The following RYR2 variants were observed in gnomAD, a reference collection of about 807,000 sequenced individuals.
The protein encoded by RYR2 is ryanodine receptor 2, also known as cardiac muscle ryanodine receptor-calcium release channel.
In RYR2, 227 loss-of-function variants were observed where a neutral mutation model predicts 601.1. That is an observed-to-expected ratio of 0.38 (90% CI 0.34 to 0.42). The LOEUF is 0.42. Among genes scored for constraint, RYR2 ranks in the 10% least tolerant of loss-of-function variants. The probability of loss-of-function intolerance (pLI) is 1.00; values close to 1 mark genes in which losing one functional copy is unlikely to be tolerated. For missense variants in RYR2, 4,646 were observed against 6,156.5 expected (o/e 0.75, Z 8.21); for synonymous variants, 2,223 against 2,175.1 (o/e 1.02, Z -0.61).
chr1:237,575,274 G>T (rs991822794), intron 29 of RYR2, among the ~76,000 whole-genome samples: 9 of 152,186 alleles, frequency 5.9e-5, no homozygotes, highest in Non-Finnish European at 1.2e-4. Context: ...AGGTATAGTA[G>T]CTAATCAAGC....
intron 1 of RYR2, among the ~76,000 whole-genome samples, chr1:237,060,500 G>A (rs1418809772): frequency 6.6e-6 from 1 of 152,172 alleles, no homozygotes; most frequent in African/African-American, 2.4e-5. Flanking sequence ...ACGCAGTTGT[G>A]TAACTACCAC....
intron 16 of RYR2, among the ~76,000 whole-genome samples, chr1:237,466,188 T>C (rs1284842989): frequency 7.9e-5 from 12 of 152,128 alleles, no homozygotes; most frequent in Admixed American, 7.2e-4. Flanking sequence ...TTTTTTGAGA[T>C]AGGGTCTCAC....
At chr1:237,428,143 ATTG>A (rs1202467490) in intron 12 of RYR2, among the ~76,000 whole-genome samples, 1 of 152,202 alleles carries the variant, frequency 6.6e-6, no homozygotes, top group African/African-American at 2.4e-5. Context: ...ACGCTTTTAC[ATTG>A]TTGTTGGGAA....
intron 84 of RYR2, among the ~76,000 whole-genome samples, chr1:237,769,092 C>G (rs546214923): frequency 3.5e-4 from 53 of 151,820 alleles, no homozygotes; most frequent in Admixed American, 2.2e-3. Flanking sequence ...ACTTCTTTCA[C>G]GAATATATGA....
intron 4 of RYR2, among the ~76,000 whole-genome samples, chr1:237,362,831 G>A (rs956773154): frequency 2.6e-5 from 4 of 152,116 alleles, no homozygotes; most frequent in African/African-American, 7.2e-5. Context: ...TTCTGCAGAA[G>A]GATATTTCAG....
At chr1:237,377,738 G>T (rs1251666590) in intron 8 of RYR2, among the ~76,000 whole-genome samples, 1 of 152,048 alleles carries the variant, frequency 6.6e-6, no homozygotes, top group Non-Finnish European at 1.5e-5. Context: ...GTCTAATCAG[G>T]AATTAAAAAT....
rs1668674228 is a variant in RYR2 at position 237,106,285 on chromosome 1, C to G, written c.48+63716C>G. Among the ~76,000 whole-genome samples, 1 of 152,200 alleles carries G rather than the reference C, an allele frequency of 6.6e-6. No individual in the cohort carries two copies. Among genetic ancestry groups the G allele is most frequent in the African/African-American group, 2.4e-5 (1 of 41,444 alleles). ...GGAGAACAGCTCCCCTGCACCAGCT[C>G]CCGCTGGGCTGCAGACAGGCTCTGA... On this transcript the variant is annotated intron_variant, in intron 1 of 104. Coordinates refer to ENST00000366574, the MANE Select transcript of RYR2 (RefSeq NM_001035.3). The surrounding 1 kb of genome is among the most constrained non-coding windows in gnomAD (Gnocchi z 4.4).
intron 58 of RYR2, among the ~76,000 whole-genome samples, chr1:237,672,109 C>T (rs184523488): frequency 2.6e-4 from 39 of 152,254 alleles, no homozygotes; most frequent in African/African-American, 5.5e-4. Context: ...TAAATGTCCA[C>T]GGTCACACTG....
chr1:237,737,531 A>G (rs1691256516), intron 79 of RYR2, among the ~76,000 whole-genome samples: 1 of 152,240 alleles, frequency 6.6e-6, no homozygotes, highest in Admixed American at 6.5e-5. Flanking sequence ...AGGTCATGTC[A>G]GCTATCCTGT....
At chr1:237,159,512 A>T (rs771776549) in intron 1 of RYR2, among the ~76,000 whole-genome samples, 1 of 151,928 alleles carries the variant, frequency 6.6e-6, no homozygotes, top group Non-Finnish European at 1.5e-5. Flanking sequence ...TTTTCATTCA[A>T]TTCCTCACAT....
rs559863335 is a variant in RYR2, at chr1:237,624,632, A to G, written c.6022+762A>G. Among the ~76,000 whole-genome samples, 52 of 152,342 alleles carry G rather than the reference A, an allele frequency of 3.4e-4. No individual in the cohort carries two copies. The Middle Eastern group carries it at 0.01, about 30-fold the overall frequency. ...TATCTTTTGAAATTAGTGAATGCCT[A>G]TGGAAACCCTACATTAAGTTGTTAT... On this transcript the variant is annotated intron_variant, in intron 39 of 104. Transcript: ENST00000366574.
In RYR2 at chr1:237,423,241, C is replaced by T. The variant is rs397516552; in HGVS notation, c.998C>T (p.Ser333Phe). 4.0e-5 allele frequency: 65 copies of T among 1,612,930 alleles called. 1 individual carries two copies. In the South Asian group the frequency reaches 6.8e-4, roughly 17 times the overall value. The change falls in exon 12 of 105, where the codon TCT (serine) becomes TTT (phenylalanine). Residue 333 changes from serine (S) to phenylalanine (F), a missense_variant. Ser to Phe is a radical substitution (Grantham distance 155, BLOSUM62 -2). This residue lies in a region of RYR2 where 1,807 missense variants were observed against 2,088.1 expected (regional missense o/e 0.87). Transcript: ENST00000366574. ...AAATCAACAGCATTTACCTTCCGGT[C>T]TTCCAAGGTGAGACAGAAAATATTT... ...DVKSTAFTFR[S>F]SKEKLDVGVR...
At position 237,551,408 on chromosome 1, in the gene RYR2, G is replaced by C. The variant is rs577849704; in HGVS notation, c.3214+717G>C. On this transcript the variant is annotated intron_variant, in intron 27 of 104. Transcript: ENST00000366574. Reference sequence around the variant, plus strand: ...TAGCTGGGCATGGTGGCGGACACCTGTAGTCCCAGCTACTCGGGAGGCTGA... The same window carrying C: ...TAGCTGGGCATGGTGGCGGACACCTCTAGTCCCAGCTACTCGGGAGGCTGA... 3.4e-3 allele frequency among the ~76,000 whole-genome samples: 516 copies of C among 152,012 alleles called. 4 individuals carry two copies. Among genetic ancestry groups the C allele is most frequent in the African/African-American group, 0.012 (497 of 41,468 alleles).
chr1:237,760,563 AT>A (rs1313369451), intron 83 of RYR2, among the ~76,000 whole-genome samples: 3 of 151,552 alleles, frequency 2.0e-5, no homozygotes, highest in Non-Finnish European at 1.5e-5. Context: ...ATCGTTTTCC[AT>A]TTTTTTTCAA....
chr1:237,590,777 C>T lies in RYR2; in HGVS notation c.3945C>T (p.Ser1315=), dbSNP rs541772815. 1.2e-6 allele frequency: 2 copies of T among 1,613,876 alleles called. No homozygotes were observed. Among genetic ancestry groups the T allele is most frequent in the South Asian group, 2.2e-5 (2 of 91,074 alleles). ...SMPIECAEVF[S]KTVAGGLPGA... ...CGATCGAGTGCGCGGAGGTCTTCTC[C>T]AAGACGGTGGCTGGAGGGCTCCCTG... Residue 1315 remains serine, a synonymous_variant, in exon 31 of 105, where the codon TCC becomes TCT. Transcript: ENST00000366574.
At chr1:237,678,773 G>C (rs957775253) in intron 61 of RYR2, among the ~76,000 whole-genome samples, 1 of 152,264 alleles carries the variant, frequency 6.6e-6, no homozygotes, top group Admixed American at 6.5e-5. Context: ...AGGCATTAGG[G>C]TATGGCCCAG....
intron 61 of RYR2, among the ~76,000 whole-genome samples, chr1:237,679,747 T>A (rs1006340957): frequency 1.3e-5 from 2 of 152,190 alleles, no homozygotes. Flanking sequence ...CTTTATCTAG[T>A]TGAGATCAGC....
At chr1:237,793,755 C>A in intron 94 of RYR2, 112 bp from the exon 95 acceptor site, 1 of 801,410 alleles carries the variant, frequency 1.2e-6, no homozygotes. Context: ...TTTTACCTTC[C>A]TAGAAGTACA....
intron 17 of RYR2, among the ~76,000 whole-genome samples, chr1:237,485,308 AT>A (rs1396696772): frequency 6.6e-6 from 1 of 152,202 alleles, no homozygotes; most frequent in Non-Finnish European, 1.5e-5. Context: ...CCAACAGTCC[AT>A]TTATATTCAT....
Sources: gnomAD v4.1 joint callset for allele counts (sites outside exome capture counted in the v4.1 genomes callset) on GRCh38, gnomAD v4.1.1 for gene constraint, gnomAD v4.1.1 regional missense constraint, Gnocchi (gnomAD v3.1) non-coding constraint, MANE v1.5 for transcripts, NCBI Gene and HGNC (gene_info 2026-07-23, HGNC 2026-07-21) for gene names.